The following EIPR1 variants were observed in gnomAD, a reference collection of about 807,000 sequenced individuals.
EIPR1 encodes EARP and GARP complex-interacting protein 1.
In EIPR1, 25 loss-of-function variants were observed where a neutral mutation model predicts 48.1. That is an observed-to-expected ratio of 0.52 (90% CI 0.38 to 0.73). EIPR1 has a LOEUF of 0.73. Ranked by LOEUF, EIPR1 falls within the 30% of genes least tolerant of loss-of-function variation. The pLI is 0.00. For missense variants in EIPR1, 415 were observed against 506.2 expected (o/e 0.82, Z 1.73); for synonymous variants, 204 against 201.9 (o/e 1.01, Z -0.09).
In EIPR1 at chr2:3,365,081, T is replaced by G. The variant is rs115909121; in HGVS notation, c.43-10448A>C. ...ACCATCATATAAATGTATTAACTTA[T>G]CATATATACCCTGAAACTATATACA... On this transcript the variant is annotated intron_variant, in intron 1 of 8. Transcript: ENST00000382125. Among the ~76,000 whole-genome samples the G allele has an allele frequency of 6.9e-3, 1,056 of 152,160 alleles. 24 individuals carry two copies. Among genetic ancestry groups the G allele is most frequent in the African/African-American group, 0.025 (1,018 of 41,498 alleles).
chr2:3,371,505 C>G (rs1170457224), intron 1 of EIPR1, among the ~76,000 whole-genome samples: 2 of 152,106 alleles, frequency 1.3e-5, no homozygotes, highest in Non-Finnish European at 2.9e-5. Flanking sequence ...TGCAGAGACA[C>G]ACATAGGCTC....
At chr2:3,244,470 G>A (rs528341581) in intron 4 of EIPR1, among the ~76,000 whole-genome samples, 22 of 152,120 alleles carry the variant, frequency 1.4e-4, no homozygotes, top group African/African-American at 3.4e-4. Flanking sequence ...CCCCCACCCC[G>A]TCAAGAATTC....
intron 3 of EIPR1, among the ~76,000 whole-genome samples, chr2:3,304,979 GTCCAGTTCAA>G: frequency 9.2e-6 from 1 of 108,766 alleles, no homozygotes; most frequent in African/African-American, 3.6e-5. Flanking sequence ...CTCCACTCCC[GTCCAGTTCAA>G]CCCTCCACTC....
intron 3 of EIPR1, among the ~76,000 whole-genome samples, chr2:3,309,549 G>A (rs1382061373): frequency 3.3e-5 from 5 of 152,168 alleles, no homozygotes; most frequent in African/African-American, 9.7e-5. Context: ...GAGATTGGCA[G>A]AGGGAATAAA....
chr2:3,303,003 A>G (rs373184406), intron 3 of EIPR1, among the ~76,000 whole-genome samples: 1 of 152,270 alleles, frequency 6.6e-6, no homozygotes, highest in East Asian at 1.9e-4. Flanking sequence ...TTGTGACTCA[A>G]GAGTTGTGGA....
chr2:3,333,856 C>T (rs1467611889), intron 3 of EIPR1, among the ~76,000 whole-genome samples: 5 of 152,082 alleles, frequency 3.3e-5, no homozygotes, highest in Non-Finnish European at 7.3e-5. Context: ...AAGGAGGGTG[C>T]TCCTAACAAC....
At chr2:3,315,051 C>G (rs1669245478) in intron 3 of EIPR1, among the ~76,000 whole-genome samples, 1 of 149,676 alleles carries the variant, frequency 6.7e-6, no homozygotes, top group South Asian at 2.1e-4. Flanking sequence ...CGCCACCCGC[C>G]CCCAACACCT....
rs1475365521 is a variant in EIPR1, at chr2:3,312,265, T to G, written c.259+25752A>C. Among the ~76,000 whole-genome samples, 1 of 152,154 alleles carries G rather than the reference T, an allele frequency of 6.6e-6. No homozygotes were observed. Among genetic ancestry groups the G allele is most frequent in the Non-Finnish European group, 1.5e-5 (1 of 68,032 alleles). Reference sequence around the variant, plus strand: ...CACTGAGGCCGCATTCCGGGTGTGCTCTGACGTTTTACCCGCCATCCCACT... The same window carrying G: ...CACTGAGGCCGCATTCCGGGTGTGCGCTGACGTTTTACCCGCCATCCCACT... On this transcript the variant is annotated intron_variant, in intron 3 of 8. Transcript: ENST00000382125. The surrounding 1 kb of genome is among the most constrained non-coding windows in gnomAD (Gnocchi z 5.5).
At chr2:3,278,619 C>T (rs898123550) in intron 3 of EIPR1, among the ~76,000 whole-genome samples, 2 of 152,170 alleles carry the variant, frequency 1.3e-5, no homozygotes, top group Non-Finnish European at 2.9e-5. Context: ...GCCTGCTCTA[C>T]CGGAGGCTCC....
At chr2:3,371,332 A>T (rs1053672109) in intron 1 of EIPR1, among the ~76,000 whole-genome samples, 3 of 152,190 alleles carry the variant, frequency 2.0e-5, no homozygotes, top group African/African-American at 7.2e-5. Context: ...GCATCAACTA[A>T]CAAGCAAAAT....
chr2:3,349,944 C>T (rs1215518556), intron 2 of EIPR1, among the ~76,000 whole-genome samples: 1 of 151,884 alleles, frequency 6.6e-6, no homozygotes, highest in African/African-American at 2.4e-5. Flanking sequence ...GTAAACATGG[C>T]AAAACCCTGT....
Position 3,208,759 on chromosome 2 carries a change from C to T in EIPR1, c.516+5390G>A, listed in dbSNP as rs201762878. 4.4e-3 allele frequency: 6,758 copies of T among 1,548,536 alleles called. 30 individuals carry two copies. The highest frequency in any genetic ancestry group is 8.0e-3 in the Middle Eastern group (48 of 5,984). ...GGCGGGTCCTTCTGTGAGTGAGGCCCGTGGCGAGTCCTTCTTCCTTGAGTG... is the reference window on the plus strand; with the variant it reads ...GGCGGGTCCTTCTGTGAGTGAGGCCTGTGGCGAGTCCTTCTTCCTTGAGTG... On this transcript the variant is annotated intron_variant, in intron 5 of 8. Transcript: ENST00000382125.
chr2:3,303,413 T>C (rs1337626717), intron 3 of EIPR1, among the ~76,000 whole-genome samples: 2 of 152,166 alleles, frequency 1.3e-5, no homozygotes, highest in Admixed American at 6.5e-5. Context: ...TGCCTTAGGC[T>C]GCTGCGTGCC....
intron 4 of EIPR1, among the ~76,000 whole-genome samples, chr2:3,217,783 A>T (rs1007251779): frequency 1.3e-5 from 2 of 152,114 alleles, no homozygotes; most frequent in African/African-American, 4.8e-5. Flanking sequence ...TACCAGTCTG[A>T]TATACCACTT....
intron 4 of EIPR1, among the ~76,000 whole-genome samples, chr2:3,249,179 GA>G (rs1417381462): frequency 6.6e-6 from 1 of 152,222 alleles, no homozygotes; most frequent in East Asian, 1.9e-4. Context: ...GAATTTCTTA[GA>G]GACTTATTGA....
chr2:3,310,432 T>C (rs1321202837), intron 3 of EIPR1, among the ~76,000 whole-genome samples: 1 of 146,844 alleles, frequency 6.8e-6, no homozygotes, highest in Non-Finnish European at 1.5e-5. Flanking sequence ...GGTGGGCGGA[T>C]CACAAGGTCA....
At chr2:3,338,179 A>T (rs1246368148) in intron 2 of EIPR1, 30 bp from the exon 3 acceptor site, 2 of 1,605,470 alleles carry the variant, frequency 1.2e-6, no homozygotes, top group Admixed American at 3.5e-5. Flanking sequence ...GCACATCAGG[A>T]TCTCAAACAC....
chr2:3,269,357 GTCATCGCACTCAA>G (rs1356730055), intron 3 of EIPR1, among the ~76,000 whole-genome samples: 8,143 of 44,880 alleles, frequency 0.18, 2,631 homozygotes, highest in Admixed American at 0.25. Context: ...ATCGCACTCA[GTCATCGCACTCAA>G]TCATCGCACT....
At chr2:3,375,786 A>G (rs187461576) in intron 1 of EIPR1, among the ~76,000 whole-genome samples, 1 of 152,364 alleles carries the variant, frequency 6.6e-6, no homozygotes, top group East Asian at 1.9e-4. Flanking sequence ...ACACCTACCA[A>G]TAATGATTGC....
Sources: allele counts gnomAD v4.1 joint callset (sites outside exome capture counted in the v4.1 genomes callset), GRCh38; gene constraint gnomAD v4.1.1; non-coding constraint Gnocchi (gnomAD v3.1); transcripts MANE v1.5; gene names NCBI Gene and HGNC (gene_info 2026-07-23, HGNC 2026-07-21).